CNTN4: variants seen among roughly 807,000 people sequenced by gnomAD.
CNTN4 encodes the protein contactin 4.
CNTN4 carries 77 observed loss-of-function variants against 122.5 expected under a neutral mutation model. The observed-to-expected ratio is 0.63, with a 90% CI of 0.52 to 0.76. The LOEUF is 0.76. Among genes scored for constraint, CNTN4 ranks in the 30% least tolerant of loss-of-function variants. The probability of loss-of-function intolerance (pLI) is 0.00; values close to 1 mark genes in which losing one functional copy is unlikely to be tolerated. For synonymous variants in CNTN4, 512 were observed against 447.0 expected (o/e 1.15, Z -1.83); for missense variants, 1,256 against 1,259.1 (o/e 1.00, Z 0.04).
intron 3 of CNTN4, among the ~76,000 whole-genome samples, chr3:2,353,063 G>A (rs929448220): frequency 6.6e-6 from 1 of 152,034 alleles, no homozygotes; most frequent in Non-Finnish European, 1.5e-5. Context: ...AGTGCTCTGT[G>A]TCTAGCTAAT....
chr3:2,811,868 G>C (rs2092621209), intron 6 of CNTN4, among the ~76,000 whole-genome samples: 2 of 152,066 alleles, frequency 1.3e-5, no homozygotes, highest in Non-Finnish European at 2.9e-5. Flanking sequence ...GTTTCCCCGT[G>C]TTGGCCAGGC....
At chr3:2,194,045 C>G (rs2037717351) in intron 2 of CNTN4, among the ~76,000 whole-genome samples, 2 of 152,088 alleles carry the variant, frequency 1.3e-5, no homozygotes, top group African/African-American at 4.8e-5. Context: ...AAGTTAGTAA[C>G]TGTACTATGG....
At chr3:2,327,409 G>T (rs1360947115) in intron 2 of CNTN4, among the ~76,000 whole-genome samples, 1 of 152,096 alleles carries the variant, frequency 6.6e-6, no homozygotes, top group East Asian at 1.9e-4. Flanking sequence ...TCATGGTAAT[G>T]GAGAAATAGT....
intron 4 of CNTN4, among the ~76,000 whole-genome samples, chr3:2,669,881 G>A (rs2084400005): frequency 6.6e-6 from 1 of 152,166 alleles, no homozygotes; most frequent in Non-Finnish European, 1.5e-5. Flanking sequence ...AGGTTGTTCA[G>A]TTTCCATGTA....
At chr3:2,479,546 A>T (rs559535099) in intron 3 of CNTN4, among the ~76,000 whole-genome samples, 2 of 152,302 alleles carry the variant, frequency 1.3e-5, no homozygotes, top group East Asian at 3.9e-4. Flanking sequence ...TAACCTTATA[A>T]GGGGGATAAT....
At chr3:2,592,018 A>G (rs1053414911) in intron 4 of CNTN4, among the ~76,000 whole-genome samples, 2 of 151,998 alleles carry the variant, frequency 1.3e-5, no homozygotes, top group African/African-American at 4.8e-5. Flanking sequence ...TGCTGGGACT[A>G]CAGGTGCATG....
intron 3 of CNTN4, among the ~76,000 whole-genome samples, chr3:2,428,196 G>A (rs1029550454): frequency 2.2e-4 from 34 of 152,262 alleles, no homozygotes; most frequent in African/African-American, 7.0e-4. Context: ...GCATGTTTTT[G>A]CAGTGGCTGG....
chr3:2,433,023 G>A (rs899610765), intron 3 of CNTN4, among the ~76,000 whole-genome samples: 6 of 151,756 alleles, frequency 4.0e-5, no homozygotes, highest in African/African-American at 1.2e-4. Flanking sequence ...GGGTTTTGCC[G>A]TGTTGCTCAA....
At chr3:2,478,606 C>G (rs1015986482) in intron 3 of CNTN4, among the ~76,000 whole-genome samples, 6 of 152,094 alleles carry the variant, frequency 3.9e-5, no homozygotes, top group Non-Finnish European at 5.9e-5. Flanking sequence ...CTGACAGGCT[C>G]CAGTTTGTGT....
rs138457807 is a variant in CNTN4 at position 2,793,344 on chromosome 3, A to G, written c.359-26142A>G. On this transcript the variant is annotated intron_variant, in intron 6 of 24. Coordinates refer to ENST00000418658, the MANE Select transcript of CNTN4 (RefSeq NM_175607.3). Reference sequence around the variant, plus strand: ...GTAAGACCTTGTCAGATGAGGTCCAAAAACAAGTTTTAAGACCTTGCTATT... The same window carrying G: ...GTAAGACCTTGTCAGATGAGGTCCAGAAACAAGTTTTAAGACCTTGCTATT... 7.6e-4 allele frequency among the ~76,000 whole-genome samples: 116 copies of G among 152,208 alleles called. 1 individual carries two copies. The East Asian group carries it at 0.013, about 17-fold the overall frequency.
intron 2 of CNTN4, among the ~76,000 whole-genome samples, chr3:2,174,564 G>T (rs2036667288): frequency 6.6e-6 from 1 of 152,076 alleles, no homozygotes; most frequent in Non-Finnish European, 1.5e-5. Context: ...ATTCAAAAGG[G>T]TTCCACCCTC....
At chr3:2,369,178 C>G (rs2045535271) in intron 3 of CNTN4, among the ~76,000 whole-genome samples, 1 of 152,142 alleles carries the variant, frequency 6.6e-6, no homozygotes, top group Non-Finnish European at 1.5e-5. Flanking sequence ...TCACCTCAAC[C>G]TCCCAAAGTG....
chr3:2,585,484 G>A (rs892990764), intron 4 of CNTN4, among the ~76,000 whole-genome samples: 11 of 152,172 alleles, frequency 7.2e-5, no homozygotes, highest in Admixed American at 1.3e-4. Flanking sequence ...CGTGGCACAT[G>A]TACACCATGG....
At chr3:2,565,941 G>T (rs754132376) in intron 3 of CNTN4, among the ~76,000 whole-genome samples, 2 of 152,156 alleles carry the variant, frequency 1.3e-5, no homozygotes, top group Admixed American at 6.5e-5. Context: ...TAACTAGCAA[G>T]AAAGCAAATG....
rs549442689 is a variant in CNTN4, at chr3:2,845,232, C to T, written c.455-21520C>T. 2.3e-3 allele frequency among the ~76,000 whole-genome samples: 354 copies of T among 152,158 alleles called. 1 individual carries two copies. Among genetic ancestry groups the T allele is most frequent in the African/African-American group, 8.1e-3 (338 of 41,516 alleles). ...ATTCATACTCTAGTATAATTCTGTA[C>T]TCAGATCTTGTCACAACTCTTTTGT... On this transcript the variant is annotated intron_variant, in intron 7 of 24. Transcript: ENST00000418658.
chr3:2,523,178 T>C (rs1179943123), intron 3 of CNTN4, among the ~76,000 whole-genome samples: 1 of 152,028 alleles, frequency 6.6e-6, no homozygotes, highest in African/African-American at 2.4e-5. Flanking sequence ...TTCTGGAGTA[T>C]TATGAAAGAC....
At chr3:2,589,670 A>T (rs1299924145) in intron 4 of CNTN4, among the ~76,000 whole-genome samples, 1 of 152,198 alleles carries the variant, frequency 6.6e-6, no homozygotes, top group Non-Finnish European at 1.5e-5. Flanking sequence ...TGATTCAGGA[A>T]ATTATACTCC....
rs144212164 is a variant in CNTN4 at position 2,885,117 on chromosome 3, C to G, written c.755+1870C>G. Among the ~76,000 whole-genome samples the G allele has an allele frequency of 4.4e-3, 664 of 152,312 alleles. 4 individuals are homozygous for G. Among genetic ancestry groups the G allele is most frequent in the Non-Finnish European group, 7.4e-3 (504 of 68,028 alleles). ...ATGGCTTTAATGTTTTAAATACCATCTCAGGTTTCCCAGAGAAGATTAGCA... is the reference window on the plus strand; with the variant it reads ...ATGGCTTTAATGTTTTAAATACCATGTCAGGTTTCCCAGAGAAGATTAGCA... On this transcript the variant is annotated intron_variant, in intron 9 of 24. Transcript: ENST00000418658.
At chr3:3,049,284 T>C (rs1701015455) in intron 23 of CNTN4, among the ~76,000 whole-genome samples, 1 of 152,096 alleles carries the variant, frequency 6.6e-6, no homozygotes, top group Non-Finnish European at 1.5e-5. Flanking sequence ...AGTTTCACCA[T>C]GTTGGCCAGG....
Sources: gnomAD v4.1 joint callset for allele counts (sites outside exome capture counted in the v4.1 genomes callset) on GRCh38, gnomAD v4.1.1 for gene constraint, MANE v1.5 for transcripts, NCBI Gene and HGNC (gene_info 2026-07-23, HGNC 2026-07-21) for gene names.